SPECC1: variants seen among roughly 807,000 people sequenced by gnomAD.
The protein encoded by SPECC1 is sperm antigen with calponin homology and coiled-coil domains 1.
A neutral mutation model predicts 104.1 loss-of-function variants in SPECC1; 62 were observed. The ratio of observed to expected loss-of-function variants is 0.60; its 90% CI spans 0.49 to 0.74. The LOEUF (loss-of-function observed/expected upper bound fraction) is 0.74. Ranked by LOEUF, SPECC1 falls within the 30% of genes least tolerant of loss-of-function variation. The pLI, the probability that SPECC1 is intolerant of heterozygous loss-of-function variation, is 0.00. For missense variants in SPECC1, 1,306 were observed against 1,310.5 expected (o/e 1.00, Z 0.05); for synonymous variants, 513 against 501.6 (o/e 1.02, Z -0.30).
At chr17:20,072,185 G>C (rs2046580323) in intron 1 of SPECC1, among the ~76,000 whole-genome samples, 1 of 152,210 alleles carries the variant, frequency 6.6e-6, no homozygotes, top group East Asian at 1.9e-4. Flanking sequence ...GTGTTTGAAT[G>C]ATACCAGCTT....
In SPECC1 at chr17:20,317,532, T is replaced by A. The variant is rs1055731705; in HGVS notation, c.*3467T>A. On this transcript the variant is annotated 3_prime_UTR_variant, in exon 15 of 15. Transcript: ENST00000395527. ...CCTCAACCTCCCAAAGTGCTGGGAC[T>A]ACAGGGGTAAGCCACCGCGCCTGGC... 5 of 187,024 alleles carry A rather than the reference T, an allele frequency of 2.7e-5. No individual in the cohort carries two copies. The highest frequency in any genetic ancestry group is 5.6e-5 in the Non-Finnish European group (5 of 88,690). The allele number at this position is 187,024 out of a possible 1,614,324, so 11.6% of individuals were successfully genotyped here.
chr17:20,093,733 G>GT (rs10578540), intron 1 of SPECC1, among the ~76,000 whole-genome samples: 1,493 of 129,754 alleles, frequency 0.012, 19 homozygotes, highest in African/African-American at 0.026. Context: ...TTTGTTTTTT[G>GT]TTTTTTTTTT....
intron 2 of SPECC1, among the ~76,000 whole-genome samples, chr17:20,101,608 C>T (rs886892459): frequency 1.3e-5 from 2 of 152,162 alleles, no homozygotes; most frequent in African/African-American, 4.8e-5. Context: ...TATCTGAGCA[C>T]AGCCCAGAAA....
chr17:20,296,552 GTGAAGAAAGTCATTGGTAGCT>G (rs1229504742), intron 12 of SPECC1, among the ~76,000 whole-genome samples: 1 of 152,126 alleles, frequency 6.6e-6, no homozygotes, highest in Non-Finnish European at 1.5e-5. Context: ...TTCCAATTCT[GTGAAGAAAGTCATTGGTAGCT>G]TGATGGGGAT....
intron 12 of SPECC1, among the ~76,000 whole-genome samples, chr17:20,270,236 ATACACTT>A (rs140010915): frequency 8.2e-4 from 124 of 152,140 alleles, no homozygotes; most frequent in African/African-American, 2.9e-3. Context: ...CCACTGAACT[ATACACTT>A]TAAACTGGTT....
intron 4 of SPECC1, 63 bp downstream of exon 4, chr17:20,205,975 T>C: frequency 6.5e-7 from 1 of 1,531,716 alleles, no homozygotes; most frequent in Non-Finnish European, 8.7e-7. Context: ...GCCCTTAACC[T>C]CTAAATTCAC....
intron 3 of SPECC1, among the ~76,000 whole-genome samples, chr17:20,189,893 T>C (rs2035543975): frequency 6.6e-6 from 1 of 152,232 alleles, no homozygotes; most frequent in African/African-American, 2.4e-5. Context: ...AAAAATCATC[T>C]TTACACATTG....
At chr17:20,058,997 A>G (rs4925073) in intron 1 of SPECC1, among the ~76,000 whole-genome samples, 82,162 of 150,552 alleles carry the variant, frequency 0.55, 22,920 homozygotes, top group Middle Eastern at 0.62. Context: ...CCACCACCAC[A>G]CCCGGCTAAT....
In SPECC1 at chr17:20,314,757, G is replaced by C. The variant is rs916415250; in HGVS notation, c.*692G>C. ...ATTTGTTCCAGGGCAACCTGGAAAC[G>C]TGCGTGCGCACTCAGCCTTTTGGGG... On this transcript the variant is annotated 3_prime_UTR_variant, in exon 15 of 15. Coordinates refer to ENST00000395527, the MANE Select transcript of SPECC1 (RefSeq NM_001243439.2). 4 of 190,982 alleles carry C rather than the reference G, an allele frequency of 2.1e-5. No individual in the cohort carries two copies. Among genetic ancestry groups the C allele is most frequent in the South Asian group, 4.2e-4 (2 of 4,762 alleles). 11.8% of individuals were successfully genotyped at this position (190,982 alleles called of 1,614,324 possible). A position where few individuals can be genotyped will look rare whatever the true frequency, so the allele number is the denominator to read the frequency against.
intron 3 of SPECC1, among the ~76,000 whole-genome samples, chr17:20,184,300 AAG>A (rs1315839194): frequency 6.6e-6 from 1 of 152,174 alleles, no homozygotes; most frequent in Non-Finnish European, 1.5e-5. Context: ...TATAACTCAC[AAG>A]AGAGTGTTTA....
intron 4 of SPECC1, among the ~76,000 whole-genome samples, chr17:20,226,971 A>G (rs1028962470): frequency 6.6e-6 from 1 of 152,084 alleles, no homozygotes; most frequent in Non-Finnish European, 1.5e-5. Flanking sequence ...GGGGGTGGCC[A>G]CACCAGGCAG....
intron 9 of SPECC1, 45 bp downstream of exon 9, chr17:20,247,364 A>G (rs772896477): frequency 1.4e-6 from 2 of 1,388,370 alleles, no homozygotes; most frequent in Non-Finnish European, 2.0e-6. Flanking sequence ...TTTGCTGTGT[A>G]TCCCTCTAGA....
intron 12 of SPECC1, among the ~76,000 whole-genome samples, chr17:20,264,623 C>A (rs940500208): frequency 1.3e-5 from 2 of 151,854 alleles, no homozygotes; most frequent in African/African-American, 2.4e-5. Flanking sequence ...AGGTGCACCC[C>A]ACCACACCTG....
At chr17:20,193,442 A>G (rs2035805946) in intron 3 of SPECC1, among the ~76,000 whole-genome samples, 1 of 152,150 alleles carries the variant, frequency 6.6e-6, no homozygotes. Flanking sequence ...TTATAAGAGA[A>G]CGCTTAATCC....
intron 1 of SPECC1, chr17:20,017,096 T>A (rs1458142069): frequency 6.6e-6 from 1 of 152,226 alleles, no homozygotes; most frequent in Non-Finnish European, 1.5e-5. Flanking sequence ...CAGCAGGATA[T>A]GGGTGTGGCC....
rs1344340497 is a variant in SPECC1, at chr17:20,232,406, G to T, written c.2351+1G>T. 2 of 1,603,100 alleles carry T rather than the reference G, an allele frequency of 1.2e-6. No individual in the cohort carries two copies. The highest frequency in any genetic ancestry group is 1.7e-4 in the Middle Eastern group (1 of 5,966). Reference sequence around the variant, plus strand: ...TGGTCACCAGCAGAGCCGCCCCTCCGTGAGTCTGGTGGGCACCAGGGCCGT... The same window carrying T: ...TGGTCACCAGCAGAGCCGCCCCTCCTTGAGTCTGGTGGGCACCAGGGCCGT... On this transcript the variant is annotated splice_donor_variant, in intron 7 of 14. Transcript: ENST00000395527. LOFTEE classifies it high-confidence loss of function.
intron 4 of SPECC1, among the ~76,000 whole-genome samples, chr17:20,221,860 C>T (rs2037894944): frequency 6.6e-6 from 1 of 152,032 alleles, no homozygotes; most frequent in African/African-American, 2.4e-5. Context: ...TGTTTTAAGA[C>T]ATTTTAATTT....
At chr17:20,223,786 AT>A (rs1357659041) in intron 4 of SPECC1, among the ~76,000 whole-genome samples, 8 of 152,088 alleles carry the variant, frequency 5.3e-5, no homozygotes, top group African/African-American at 1.9e-4. Flanking sequence ...GCTATTTTGA[AT>A]TTTCTGTCTG....
chr17:20,035,553 T>C (rs2045036600), intron 1 of SPECC1, among the ~76,000 whole-genome samples: 1 of 152,184 alleles, frequency 6.6e-6, no homozygotes, highest in Non-Finnish European at 1.5e-5. Flanking sequence ...AAAAACAGTA[T>C]TTATTATGTT....
Sources: allele counts gnomAD v4.1 joint callset (sites outside exome capture counted in the v4.1 genomes callset), GRCh38; gene constraint gnomAD v4.1.1; transcripts MANE v1.5; gene names NCBI Gene and HGNC (gene_info 2026-07-23, HGNC 2026-07-21).